The following PDE1A variants were observed in gnomAD, a reference collection of about 807,000 sequenced individuals.
The protein encoded by PDE1A is phosphodiesterase 1A, also known as dual specificity calcium/calmodulin-dependent 3',5'-cyclic nucleotide phosphodiesterase 1A.
In PDE1A, 35 loss-of-function variants were observed where a neutral mutation model predicts 61.7. That is an observed-to-expected ratio of 0.57 (90% CI 0.43 to 0.75). The LOEUF is 0.75. PDE1A is among the 30% of genes least tolerant of loss of function. The probability of loss-of-function intolerance (pLI) is 0.00; values close to 1 mark genes in which losing one functional copy is unlikely to be tolerated. For synonymous variants in PDE1A, 232 were observed against 213.2 expected (o/e 1.09, Z -0.77); for missense variants, 597 against 630.6 (o/e 0.95, Z 0.57).
intron 13 of PDE1A, among the ~76,000 whole-genome samples, chr2:182,153,877 A>T (rs1458917495): frequency 1.3e-5 from 2 of 152,162 alleles, no homozygotes; most frequent in Non-Finnish European, 2.9e-5. Flanking sequence ...GGAGGCAGGT[A>T]AGGGATGAGA....
chr2:182,536,107 G>A, the PDE1A span, among the ~76,000 whole-genome samples: 4 of 152,308 alleles, frequency 2.6e-5, no homozygotes, highest in East Asian at 5.8e-4. Context: ...TATTTACAAT[G>A]TTATAATCTG....
the PDE1A span, among the ~76,000 whole-genome samples, chr2:182,555,841 C>T: frequency 6.6e-6 from 1 of 151,706 alleles, no homozygotes; most frequent in Non-Finnish European, 1.5e-5. Context: ...GTGGCAGGCA[C>T]CTGCAATCCC....
chr2:182,528,443 A>G, the PDE1A span, among the ~76,000 whole-genome samples: 10,078 of 152,306 alleles, frequency 0.066, 357 homozygotes, highest in Middle Eastern at 0.1. Flanking sequence ...TGACTTGGGT[A>G]CTGTTAAAAG....
the PDE1A span, among the ~76,000 whole-genome samples, chr2:182,698,389 T>A: frequency 4.0e-5 from 6 of 151,694 alleles, no homozygotes; most frequent in Non-Finnish European, 8.9e-5. Flanking sequence ...ATCAGCAGAA[T>A]GATATTTACA....
the PDE1A span, among the ~76,000 whole-genome samples, chr2:182,702,361 C>A: frequency 6.6e-6 from 1 of 152,126 alleles, no homozygotes; most frequent in Non-Finnish European, 1.5e-5. Context: ...CCTCGGCCTC[C>A]CAAAGTGCTG....
chr2:182,685,060 A>AAT, the PDE1A span, among the ~76,000 whole-genome samples: 111 of 149,190 alleles, frequency 7.4e-4, no homozygotes, highest in South Asian at 2.5e-3. Context: ...GGTTATTCTG[A>AAT]ATATATATAT....
the PDE1A span, among the ~76,000 whole-genome samples, chr2:182,643,413 T>G: frequency 6.6e-6 from 1 of 152,234 alleles, no homozygotes; most frequent in African/African-American, 2.4e-5. Flanking sequence ...GTCTGGCTCA[T>G]CTTATGCCTG....
At chr2:182,625,587 C>G in the PDE1A span, among the ~76,000 whole-genome samples, 1 of 152,158 alleles carries the variant, frequency 6.6e-6, no homozygotes, top group African/African-American at 2.4e-5. Context: ...TAACTCTTGG[C>G]TGAATGGATG....
chr2:182,469,007 C>T (rs1368743425), intron 2 of PDE1A, among the ~76,000 whole-genome samples: 1 of 151,926 alleles, frequency 6.6e-6, no homozygotes, highest in African/African-American at 2.4e-5. Flanking sequence ...TTCATTGTTG[C>T]ATTTCTAGAA....
At chr2:182,560,348 A>G in the PDE1A span, among the ~76,000 whole-genome samples, 1 of 151,506 alleles carries the variant, frequency 6.6e-6, no homozygotes, top group Non-Finnish European at 1.5e-5. Flanking sequence ...TTTACTGAGA[A>G]TGATGATTTC....
At chr2:182,610,755 A>G in the PDE1A span, among the ~76,000 whole-genome samples, 2 of 152,170 alleles carry the variant, frequency 1.3e-5, no homozygotes, top group African/African-American at 4.8e-5. Flanking sequence ...ACAAATTTAT[A>G]AAACTTTGAA....
chr2:182,141,736 A>G (rs930624716), exon 15 of PDE1A: 1 of 152,196 alleles, frequency 6.6e-6, no homozygotes. Flanking sequence ...GGAGCCCAGG[A>G]AGGAAGCAGA....
the PDE1A span, among the ~76,000 whole-genome samples, chr2:182,568,362 T>C: frequency 1.9e-4 from 29 of 152,218 alleles, no homozygotes; most frequent in Non-Finnish European, 3.4e-4. Flanking sequence ...TTCTATCCTT[T>C]TATAAAATGT....
At chr2:182,166,626 C>T (rs1162077072), downstream of PDE1A, among the ~76,000 whole-genome samples, 1 of 152,158 alleles carries the variant, frequency 6.6e-6, no homozygotes, top group Non-Finnish European at 1.5e-5. Context: ...GATGGCCCAT[C>T]ATGGGACTTT....
intron 1 of PDE1A, among the ~76,000 whole-genome samples, chr2:182,360,086 C>A (rs1354555557): frequency 6.6e-6 from 1 of 152,018 alleles, no homozygotes; most frequent in Admixed American, 6.6e-5. Context: ...TGACTCTGGG[C>A]TCCTTTTCTT....
chr2:182,173,661 T>C (rs945369811), intron 13 of PDE1A, among the ~76,000 whole-genome samples: 2 of 150,298 alleles, frequency 1.3e-5, no homozygotes, highest in Non-Finnish European at 3.0e-5. Flanking sequence ...GAGAGAATGA[T>C]AGCAAGCTCT....
At chr2:182,657,086 G>T in the PDE1A span, among the ~76,000 whole-genome samples, 1 of 152,134 alleles carries the variant, frequency 6.6e-6, no homozygotes, top group South Asian at 2.1e-4. Flanking sequence ...AGCTTGGCTT[G>T]GTGGTGCATG....
chr2:182,490,438 C>T lies in PDE1A; in HGVS notation c.101+31838G>A, dbSNP rs145239042. On this transcript the variant is annotated intron_variant, in intron 2 of 14. Coordinates refer to the PDE1A transcript ENST00000410103. Reference sequence around the variant, plus strand: ...CCAGGCTGGAGTGCAATGGCTGGACCTCGGCTCACTGCAAACTGCCTCCTG... The same window carrying T: ...CCAGGCTGGAGTGCAATGGCTGGACTTCGGCTCACTGCAAACTGCCTCCTG... Among the ~76,000 whole-genome samples, 421 of 152,310 alleles carry T rather than the reference C, an allele frequency of 2.8e-3. 2 individuals carry two copies. Among genetic ancestry groups the T allele is most frequent in the African/African-American group, 9.6e-3 (398 of 41,572 alleles).
At chr2:182,695,531 G>T in the PDE1A span, among the ~76,000 whole-genome samples, 67 of 152,056 alleles carry the variant, frequency 4.4e-4, no homozygotes, top group African/African-American at 1.5e-3. Context: ...GCTGGGCGCG[G>T]TGGCTGGCGC....
Sources: gnomAD v4.1 joint callset for allele counts (sites outside exome capture counted in the v4.1 genomes callset) on GRCh38, gnomAD v4.1.1 for gene constraint, MANE v1.5 for transcripts, NCBI Gene and HGNC (gene_info 2026-07-23, HGNC 2026-07-21) for gene names.